Variants in TXNRD3 observed in about 807,000 individuals in gnomAD.
The protein encoded by TXNRD3 is thioredoxin reductase 3.
In TXNRD3, 68 loss-of-function variants were observed where a neutral mutation model predicts 78.2. That is an observed-to-expected ratio of 0.87 (90% confidence interval 0.72 to 1.06). The LOEUF is 1.06. TXNRD3 is among the 50% of genes least tolerant of loss of function. The pLI is 0.00. For missense variants in TXNRD3, 751 were observed against 809.5 expected, an observed-to-expected ratio of 0.93 and a Z score of 0.88; for synonymous variants, 296 against 300.1, an observed-to-expected ratio of 0.99 and a Z score of 0.14.
At chr3:126,620,154 G>A (rs1266765711) in intron 12 of TXNRD3, among the ~76,000 whole-genome samples, 1 of 152,034 alleles carries the variant, frequency 6.6e-6, no homozygotes, top group African/African-American at 2.4e-5. Flanking sequence ...AATTATCTGG[G>A]CGTGGTGGCA....
At position 126,622,501 on chromosome 3, in the gene TXNRD3, T is replaced by C; in HGVS notation, c.1330A>G (p.Ile444Val). 4 of 1,535,570 alleles carry C rather than the reference T, an allele frequency of 2.6e-6. No homozygotes were observed. Among genetic ancestry groups the C allele is most frequent in the Non-Finnish European group, 3.5e-6 (4 of 1,146,694 alleles). ...TTGACACCAATCTTCTCCAAGCCTA[T>C]TTTCCTTGTACAGGAGTCACGACCA... The change falls in exon 11 of 16, where the codon ATA (isoleucine) becomes GTA (valine). Residue 444 changes from isoleucine to valine, a missense_variant. Physicochemically the swap from Ile to Val is conservative, Grantham distance 29. Transcript: ENST00000524230.
chr3:126,611,262 A>G, intron 13 of TXNRD3, 130 bp from the exon 14 acceptor site: 1 of 493,046 alleles, frequency 2.0e-6, no homozygotes, highest in East Asian at 3.4e-5. Flanking sequence ...AGTGACCCCA[A>G]CTTTATGTAT....
intron 10 of TXNRD3, among the ~76,000 whole-genome samples, chr3:126,627,815 T>C (rs993544083): frequency 1.3e-5 from 2 of 152,320 alleles, no homozygotes; most frequent in South Asian, 2.1e-4. Context: ...TAATGTTACA[T>C]GAACTTTGCC....
intron 14 of TXNRD3, 77 bp downstream of exon 14, chr3:126,610,959 AT>A: frequency 8.2e-6 from 8 of 977,458 alleles, no homozygotes; most frequent in Admixed American, 3.3e-5. Flanking sequence ...AAAAAAAAAA[AT>A]TATAGAAATC....
intron 1 of TXNRD3, among the ~76,000 whole-genome samples, chr3:126,652,856 G>A (rs1576299807): frequency 6.6e-6 from 1 of 152,198 alleles, no homozygotes; most frequent in Non-Finnish European, 1.5e-5. Flanking sequence ...ACTTCATCAA[G>A]TAGACAATAA....
chr3:126,615,335 G>T lies in TXNRD3; in HGVS notation c.1632+20C>A. 1 of 1,230,872 alleles carries T rather than the reference G, an allele frequency of 8.1e-7. No individual in the cohort carries two copies. The highest frequency in any genetic ancestry group is 1.1e-6 in the Non-Finnish European group (1 of 912,964). The allele number at this position is 1,230,872 out of a possible 1,614,324, so 76.2% of individuals were successfully genotyped here. Reference sequence around the variant, plus strand: ...GATTAAAAGAGAATTTTTTAAGGAAGTAATAAAACACAATCTTACTTCTAG... The same window carrying T: ...GATTAAAAGAGAATTTTTTAAGGAATTAATAAAACACAATCTTACTTCTAG... On this transcript the variant is annotated intron_variant, in intron 13 of 15. Coordinates refer to ENST00000524230, the MANE Select transcript of TXNRD3 (RefSeq NM_052883.3).
intron 1 of TXNRD3, 23 bp downstream of exon 1, chr3:126,654,725 G>C: frequency 7.8e-7 from 1 of 1,280,730 alleles, no homozygotes; most frequent in Non-Finnish European, 9.8e-7. Context: ...GCGCGCGGTG[G>C]AACCGGCGAG....
At chr3:126,646,270 C>A (rs760445013) in intron 2 of TXNRD3, 50 bp from the exon 3 acceptor site, 1 of 1,344,734 alleles carries the variant, frequency 7.4e-7, no homozygotes, top group South Asian at 1.4e-5. Context: ...AGTTTCAAAT[C>A]TTTGTGAGTT....
chr3:126,653,625 G>T (rs1455783527), intron 1 of TXNRD3, among the ~76,000 whole-genome samples: 2 of 152,222 alleles, frequency 1.3e-5, no homozygotes, highest in Non-Finnish European at 2.9e-5. Context: ...TCACTACTTG[G>T]AAACTCAGTT....
At chr3:126,634,144 T>C in intron 6 of TXNRD3, 93 bp from the exon 7 acceptor site, 1 of 1,160,390 alleles carries the variant, frequency 8.6e-7, no homozygotes, top group Admixed American at 3.9e-5. Context: ...CTAACAGTGC[T>C]TTAAAAATCA....
intron 14 of TXNRD3, among the ~76,000 whole-genome samples, chr3:126,609,621 T>C (rs1323449728): frequency 6.6e-6 from 1 of 152,156 alleles, no homozygotes; most frequent in African/African-American, 2.4e-5. Flanking sequence ...GAAATAGGCA[T>C]GTGGCCAGGG....
In TXNRD3 at chr3:126,615,185, C is replaced by T. The variant is rs181830661; in HGVS notation, c.1632+170G>A. Among the ~76,000 whole-genome samples, 516 of 152,280 alleles carry T rather than the reference C, an allele frequency of 3.4e-3. 1 individual carries two copies. The highest frequency in any genetic ancestry group is 5.7e-3 in the Non-Finnish European group (390 of 68,014). ...TTCCCAACCATATTCCTCTTCTTTG[C>T]TAGACAGACAGGATTTAAATTAATT... On this transcript the variant is annotated intron_variant, in intron 13 of 15. Transcript: ENST00000524230.
At chr3:126,630,995 C>T in intron 8 of TXNRD3, 58 bp from the exon 9 acceptor site, 1 of 1,463,580 alleles carries the variant, frequency 6.8e-7, no homozygotes, top group Non-Finnish European at 9.2e-7. Flanking sequence ...ATGAGTTATT[C>T]ATGTTTCAGT....
At chr3:126,613,694 AC>A (rs753201410) in intron 13 of TXNRD3, among the ~76,000 whole-genome samples, 1 of 152,248 alleles carries the variant, frequency 6.6e-6, no homozygotes, top group Non-Finnish European at 1.5e-5. Context: ...TCATAGTGTA[AC>A]ACATTACTCA....
chr3:126,612,114 C>T (rs1188108348), intron 13 of TXNRD3, among the ~76,000 whole-genome samples: 1 of 152,160 alleles, frequency 6.6e-6, no homozygotes, highest in African/African-American at 2.4e-5. Context: ...TCTCAGCTCA[C>T]TGCAGCCTTG....
At chr3:126,618,974 A>G (rs1034695148) in intron 12 of TXNRD3, among the ~76,000 whole-genome samples, 10 of 152,206 alleles carry the variant, frequency 6.6e-5, no homozygotes, top group Admixed American at 6.5e-4. Flanking sequence ...AATGCTTAGT[A>G]TCACTAATCA....
At chr3:126,646,577 A>AT (rs1234576247) in intron 2 of TXNRD3, among the ~76,000 whole-genome samples, 1 of 152,218 alleles carries the variant, frequency 6.6e-6, no homozygotes, top group East Asian at 1.9e-4. Flanking sequence ...CATTTGAAAA[A>AT]TGTTTATGGT....
chr3:126,630,582 T>C, intron 9 of TXNRD3, 130 bp downstream of exon 9: 1 of 1,005,038 alleles, frequency 9.9e-7, no homozygotes, highest in Middle Eastern at 3.2e-4. Flanking sequence ...GGGTTGGCTC[T>C]GTAGACTTGG....
At position 126,640,096 on chromosome 3, in the gene TXNRD3, T is replaced by C. The variant is rs865883790; in HGVS notation, c.712+1936A>G. ...TAAACCAAAGCTGCTTGTGTTTTCT[T>C]TTTTTTTTTTTTTTTTTTTTTTTTT... On this transcript the variant is annotated intron_variant, in intron 6 of 15. Coordinates refer to ENST00000524230, the MANE Select transcript of TXNRD3 (RefSeq NM_052883.3). Among the ~76,000 whole-genome samples, 2 of 5,284 alleles carry C rather than the reference T, an allele frequency of 3.8e-4. 1 individual carries two copies. The highest frequency in any genetic ancestry group is 7.9e-3 in the South Asian group (2 of 254). 3.5% of individuals were successfully genotyped at this position (5,284 alleles called of 152,430 possible).
Sources: gnomAD v4.1 joint callset for allele counts (sites outside exome capture counted in the v4.1 genomes callset) on GRCh38, gnomAD v4.1.1 for gene constraint, MANE v1.5 for transcripts, NCBI Gene and HGNC (gene_info 2026-07-23, HGNC 2026-07-21) for gene names.